The following PRTG variants were observed in gnomAD, a reference collection of about 807,000 sequenced individuals.
PRTG encodes protogenin.
Under a neutral mutation model 122.5 loss-of-function variants are expected in PRTG, and 67 were observed. The ratio of observed to expected loss-of-function variants is 0.55; its 90% CI spans 0.45 to 0.67. PRTG has a LOEUF of 0.67. PRTG is among the 30% of genes least tolerant of loss of function. The pLI is 0.00. For missense variants in PRTG, 1,435 were observed against 1,415.4 expected (o/e 1.01, Z -0.22); for synonymous variants, 554 against 501.1 (o/e 1.11, Z -1.41).
At position 55,696,754 on chromosome 15, in the gene PRTG, T is replaced by C. The variant is rs2059634030; in HGVS notation, c.398-12823A>G. ...TACTAAATATACAACAGCCATTCTATAAGTGGTTTATTACCTAATTTCTAG... is the reference window on the plus strand; with the variant it reads ...TACTAAATATACAACAGCCATTCTACAAGTGGTTTATTACCTAATTTCTAG... On this transcript the variant is annotated intron_variant, in intron 2 of 19. Coordinates refer to ENST00000389286, the MANE Select transcript of PRTG (RefSeq NM_173814.6). 2.0e-5 allele frequency among the ~76,000 whole-genome samples: 3 copies of C among 152,244 alleles called. No homozygotes were observed. The South Asian group carries it at 6.2e-4, about 32-fold the overall frequency.
At chr15:55,742,131 T>C (rs1293390306) in intron 1 of PRTG, 1 of 152,158 alleles carries the variant, frequency 6.6e-6, no homozygotes, top group African/African-American at 2.4e-5. Context: ...TGCCCCCAAA[T>C]ACCTAGCTGT....
At position 55,613,420 on chromosome 15, in the gene PRTG, C is replaced by T. The variant is rs1050146027; in HGVS notation, c.*6592G>A. Reference sequence around the variant, plus strand: ...TAAAATGCAATTCTGAAGACATTGTCGAATAAGGAAATGCTTGACTAGAAA... The same window carrying T: ...TAAAATGCAATTCTGAAGACATTGTTGAATAAGGAAATGCTTGACTAGAAA... On this transcript the variant is annotated 3_prime_UTR_variant, in exon 20 of 20. Transcript: ENST00000389286. 1 of 151,984 alleles carries T rather than the reference C, an allele frequency of 6.6e-6. No homozygotes were observed. The highest frequency in any genetic ancestry group is 2.4e-5 in the African/African-American group (1 of 41,390). The allele number at this position is 151,984 out of a possible 1,614,324, so 9.4% of individuals were successfully genotyped here.
chr15:55,729,490 G>A lies in PRTG; in HGVS notation c.397+10892C>T, dbSNP rs549079362. 4.6e-5 allele frequency among the ~76,000 whole-genome samples: 7 copies of A among 152,108 alleles called. No individual in the cohort carries two copies. In the South Asian group the frequency reaches 1.2e-3, roughly 27 times the overall value. On this transcript the variant is annotated intron_variant, in intron 2 of 19. Transcript: ENST00000389286. Reference sequence around the variant, plus strand: ...CTCTATACTTTATAAAGGTGTTCCAGGTGCACTGGCACACACCTATAATCC... The same window carrying A: ...CTCTATACTTTATAAAGGTGTTCCAAGTGCACTGGCACACACCTATAATCC...
chr15:55,685,268 T>C (rs1228349642), intron 2 of PRTG, among the ~76,000 whole-genome samples: 2 of 152,160 alleles, frequency 1.3e-5, no homozygotes, highest in African/African-American at 4.8e-5. Context: ...GCACTTGAAC[T>C]CATTTATCTG....
chr15:55,626,971 GT>G, intron 17 of PRTG, 36 bp downstream of exon 17: 1 of 1,564,656 alleles, frequency 6.4e-7, no homozygotes, highest in Non-Finnish European at 8.6e-7. Context: ...TAATTTAAAT[GT>G]TTTTCACCTC....
At chr15:55,651,243 A>T (rs1216879090) in intron 11 of PRTG, among the ~76,000 whole-genome samples, 3 of 151,910 alleles carry the variant, frequency 2.0e-5, no homozygotes, top group Admixed American at 2.0e-4. Context: ...TGGTTAAGTT[A>T]TCTCTGAAAC....
chr15:55,666,668 T>C (rs533542708), intron 11 of PRTG, among the ~76,000 whole-genome samples: 84 of 152,190 alleles, frequency 5.5e-4, no homozygotes, highest in Non-Finnish European at 8.4e-4. Context: ...TGAAAAAATA[T>C]TTTTAAAACA....
At chr15:55,701,994 G>A (rs905791422) in intron 2 of PRTG, among the ~76,000 whole-genome samples, 11 of 152,188 alleles carry the variant, frequency 7.2e-5, no homozygotes, top group African/African-American at 2.4e-4. Flanking sequence ...AAACTATTCT[G>A]TATCCTGATT....
At chr15:55,638,451 A>C in intron 14 of PRTG, 98 bp downstream of exon 14, 1 of 842,330 alleles carries the variant, frequency 1.2e-6, no homozygotes, top group Non-Finnish European at 1.7e-6. Context: ...GGTAGGTGGC[A>C]ACTAGGGTAG....
chr15:55,736,270 C>T (rs888913195), intron 2 of PRTG, among the ~76,000 whole-genome samples: 4 of 152,104 alleles, frequency 2.6e-5, no homozygotes, highest in African/African-American at 7.2e-5. Flanking sequence ...AAACAGTGAC[C>T]GTGTAGCAAA....
intron 2 of PRTG, among the ~76,000 whole-genome samples, chr15:55,732,898 A>AT (rs2031285518): frequency 6.6e-6 from 1 of 152,194 alleles, no homozygotes; most frequent in Non-Finnish European, 1.5e-5. Context: ...ATTTTAAAAA[A>AT]ATATATACAA....
chr15:55,625,096 C>T (rs927155570), intron 17 of PRTG, among the ~76,000 whole-genome samples: 82 of 151,708 alleles, frequency 5.4e-4, no homozygotes, highest in African/African-American at 2.2e-4. Flanking sequence ...AGTCTAATGA[C>T]GGGGATTACC....
intron 11 of PRTG, among the ~76,000 whole-genome samples, chr15:55,662,655 T>C (rs2059416358): frequency 6.6e-6 from 1 of 151,778 alleles, no homozygotes; most frequent in Admixed American, 6.6e-5. Flanking sequence ...TCTTTGAAGA[T>C]TTTTTTTTAA....
chr15:55,726,561 G>A (rs2031037570), intron 2 of PRTG, among the ~76,000 whole-genome samples: 1 of 151,776 alleles, frequency 6.6e-6, no homozygotes, highest in African/African-American at 2.4e-5. Context: ...GAACCCGGGA[G>A]GTGGAGGTTA....
intron 2 of PRTG, among the ~76,000 whole-genome samples, chr15:55,723,789 T>C (rs1157494696): frequency 6.7e-6 from 1 of 148,850 alleles, no homozygotes; most frequent in Non-Finnish European, 1.5e-5. Context: ...TCTCGCTCTG[T>C]GGCCCAGGCT....
chr15:55,655,238 T>C (rs2059373399), intron 11 of PRTG: 1 of 152,230 alleles, frequency 6.6e-6, no homozygotes, highest in Admixed American at 6.5e-5. Flanking sequence ...ATTATTAATG[T>C]GTTAACTGGC....
At chr15:55,622,297 A>T (rs1282351514) in intron 18 of PRTG, among the ~76,000 whole-genome samples, 1 of 141,690 alleles carries the variant, frequency 7.1e-6, no homozygotes, top group Non-Finnish European at 1.5e-5. Context: ...GGCTCATTGC[A>T]ACCTCTGCCA....
At chr15:55,711,712 C>T (rs1018979052) in intron 2 of PRTG, among the ~76,000 whole-genome samples, 1 of 149,924 alleles carries the variant, frequency 6.7e-6, no homozygotes, top group East Asian at 1.9e-4. Context: ...ATTGTATACA[C>T]ACGAGTAAGT....
chr15:55,618,469 T>A lies in PRTG; in HGVS notation c.*1543A>T, dbSNP rs1032169251. ...ATATGGGACCCCTTCTCTACACGCG[T>A]TTAGTTCTTTATCCTCTCCCACTGC... On this transcript the variant is annotated 3_prime_UTR_variant, in exon 20 of 20. Transcript: ENST00000389286. 4 of 152,198 alleles carry A rather than the reference T, an allele frequency of 2.6e-5. No individual in the cohort carries two copies. The highest frequency in any genetic ancestry group is 2.6e-4 in the Admixed American group (4 of 15,280). 9.4% of individuals were successfully genotyped at this position (152,198 alleles called of 1,614,324 possible). A position where few individuals can be genotyped will look rare whatever the true frequency, so the allele number is the denominator to read the frequency against.
Sources: allele counts gnomAD v4.1 joint callset (sites outside exome capture counted in the v4.1 genomes callset), GRCh38; gene constraint gnomAD v4.1.1; transcripts MANE v1.5; gene names NCBI Gene and HGNC (gene_info 2026-07-23, HGNC 2026-07-21).